Variants in MYO7B observed in about 807,000 individuals in gnomAD.
MYO7B encodes myosin VIIB.
MYO7B carries 212 observed loss-of-function variants against 259.7 expected under a neutral mutation model. The observed-to-expected ratio is 0.82, with a 90% confidence interval of 0.73 to 0.91. The LOEUF is 0.91. Ranked by LOEUF, MYO7B falls within the 40% of genes least tolerant of loss-of-function variation. MYO7B has a pLI of 0.00. For synonymous variants in MYO7B, 1,197 were observed against 1,166.4 expected, an observed-to-expected ratio of 1.03 and a Z score of -0.54; for missense variants, 2,732 against 2,813.5, an observed-to-expected ratio of 0.97 and a Z score of 0.66.
intron 29 of MYO7B, 21 bp from the exon 30 acceptor site, chr2:127,624,072 G>T: frequency 6.5e-7 from 1 of 1,541,928 alleles, no homozygotes. Flanking sequence ...GCTAACCCCT[G>T]CTCCCCGACT....
rs1326375986 is a variant in MYO7B at position 127,593,548 on chromosome 2, G to T, written c.2148G>T (p.Leu716=). The T allele has an allele frequency of 1.2e-6, 2 of 1,612,768 alleles. No individual in the cohort carries two copies. The highest frequency in any genetic ancestry group is 1.7e-5 in the Admixed American group (1 of 59,928). ...ATACCCCCGTTTGGTCTTGGCAGCT[G>T]CAAGGCAAGCTCCGCCAGATGACCC... ...VLLPNAMRMQ[L]QGKLRQMTLG... The change falls in exon 18 of 48, where the codon CTG becomes CTT. Residue 716 remains leucine (L), a splice_region_variant and synonymous_variant. Coordinates refer to ENST00000409816, the MANE Select transcript of MYO7B (RefSeq NM_001393586.1).
Position 127,576,740 on chromosome 2 carries a change from C to T in MYO7B, c.849+32C>T. The stretch of plus-strand genomic sequence containing the variant: ...TGCCCACCTGCCGCCTCCCAGTAGC[C>T]AGTGGAAGGGAGGAAAAAGAGCTTG... On this transcript the variant is annotated intron_variant, in intron 8 of 47. Transcript: ENST00000409816. This position sits in a 1 kb window ranked among gnomAD's most constrained non-coding sequence, Gnocchi z 4.9. The T allele has an allele frequency of 2.1e-6, 3 of 1,451,996 alleles. No homozygotes were observed. The highest frequency in any genetic ancestry group is 2.9e-6 in the Non-Finnish European group (3 of 1,040,448). The allele number at this position is 1,451,996 out of a possible 1,614,324, so 89.9% of individuals were successfully genotyped here.
In MYO7B at chr2:127,637,553, C is replaced by T. The variant is rs1681922088; in HGVS notation, c.*136C>T. On this transcript the variant is annotated 3_prime_UTR_variant, in exon 48 of 48. Coordinates refer to ENST00000409816, the MANE Select transcript of MYO7B (RefSeq NM_001393586.1). Reference sequence around the variant, plus strand: ...TGCCCCCCATACAAAGCCCACTCAGCCCCGCAGGCGGCCCCCTCTGTCCTG... The same window carrying T: ...TGCCCCCCATACAAAGCCCACTCAGTCCCGCAGGCGGCCCCCTCTGTCCTG... 1.5e-6 allele frequency: 1 copy of T among 662,040 alleles called. No individual in the cohort carries two copies. The allele number at this position is 662,040 out of a possible 1,614,324, so 41.0% of individuals were successfully genotyped here. A position where few individuals can be genotyped will look rare whatever the true frequency, so the allele number is the denominator to read the frequency against.
chr2:127,620,313 ACT>A, intron 26 of MYO7B, 25 bp from the exon 27 acceptor site: 1 of 1,586,350 alleles, frequency 6.3e-7, no homozygotes, highest in Non-Finnish European at 8.6e-7. Flanking sequence ...CCCCCAGCCT[ACT>A]CTCCTAATGG....
intron 35 of MYO7B, among the ~76,000 whole-genome samples, chr2:127,630,463 G>A (rs936345346): frequency 2.0e-4 from 31 of 152,212 alleles, no homozygotes; most frequent in African/African-American, 7.0e-4. Context: ...TGGGGTGAGA[G>A]GTGGCCCCAT....
rs540976526 is a variant in MYO7B at position 127,624,754 on chromosome 2, G to C, written c.4047+434G>C. ...CTCGGGAGGGGCTCTCACCTGGACCGTGCGGAGTGTACCGGGAGCTCTTTT... is the reference window on the plus strand; with the variant it reads ...CTCGGGAGGGGCTCTCACCTGGACCCTGCGGAGTGTACCGGGAGCTCTTTT... On this transcript the variant is annotated intron_variant, in intron 30 of 47. Transcript: ENST00000409816. Among the ~76,000 whole-genome samples the C allele has an allele frequency of 3.9e-5, 6 of 152,362 alleles. 1 individual carries two copies. The highest frequency in any genetic ancestry group is 1.4e-4 in the African/African-American group (6 of 41,582).
chr2:127,584,687 TC>T lies in MYO7B; in HGVS notation c.1555-90del. ...GGCCCTCAATCATTCTGAGCCCAGA[TC>T]TCTTTGCCTCCATGAGGAAGTCCCT... On this transcript the variant is annotated intron_variant, in intron 13 of 47. Transcript: ENST00000409816. This position sits in a 1 kb window ranked among gnomAD's most constrained non-coding sequence, Gnocchi z 5.8. 6.8e-7 allele frequency: 1 copy of T among 1,470,298 alleles called. No individual in the cohort carries two copies. Among genetic ancestry groups the T allele is most frequent in the Middle Eastern group, 1.8e-4 (1 of 5,580 alleles). The allele number at this position is 1,470,298 out of a possible 1,614,324, so 91.1% of individuals were successfully genotyped here. A position where few individuals can be genotyped will look rare whatever the true frequency, so the allele number is the denominator to read the frequency against.
At position 127,609,850 on chromosome 2, in the gene MYO7B, C is replaced by T. The variant is rs1430043929; in HGVS notation, c.3026C>T (p.Ala1009Val). The T allele has an allele frequency of 6.2e-7, 1 of 1,613,528 alleles. No homozygotes were observed. Among genetic ancestry groups the T allele is most frequent in the Admixed American group, 1.7e-5 (1 of 59,944 alleles). The part of the protein sequence containing the change: ...LYHEDDTDCL[A>V]ALVIWNVILR... ...GGGCCTTCTGTCTTGTTTCCCCAGG[C>T]CGCCCTGGTCATATGGAACGTCATC... Residue 1009 changes from alanine (A) to valine (V), a missense_variant and splice_region_variant, in exon 24 of 48, where the codon GCC becomes GTC. Ala to Val is a moderately conservative substitution (Grantham distance 64). Around this residue, in one of 3 missense-constraint regions of MYO7B, gnomAD observed 1,906 missense variants for 2,026.4 expected, o/e 0.94. Transcript: ENST00000409816. The surrounding 1 kb of genome is among the most constrained non-coding windows in gnomAD (Gnocchi z 6.9).
At chr2:127,635,386 G>A in intron 43 of MYO7B, 160 bp downstream of exon 43, 1 of 687,760 alleles carries the variant, frequency 1.5e-6, no homozygotes, top group Non-Finnish European at 2.5e-6. Flanking sequence ...CTGGAACCAG[G>A]AGCAGAGGGC....
In MYO7B at chr2:127,627,009, C is replaced by T; in HGVS notation, c.4250C>T (p.Ala1417Val). ...PYTQKQVTPL[A>V]VREQVVDAAR... ...ACTCAGAAGCAAGTCACACCACTGG[C>T]CGTGCGAGAGCAGGTGGTGGACGCC... is the stretch of plus-strand genomic sequence containing the variant. The change falls in exon 32 of 48, where the codon GCC becomes GTC. Residue 1417 changes from alanine (A) to valine (V), a missense_variant. Around this residue, in one of 3 missense-constraint regions of MYO7B, gnomAD observed 1,906 missense variants for 2,026.4 expected, o/e 0.94. Transcript: ENST00000409816. This position sits in a 1 kb window ranked among gnomAD's most constrained non-coding sequence, Gnocchi z 5.6. 6.2e-7 allele frequency: 1 copy of T among 1,611,356 alleles called. No individual in the cohort carries two copies.
At position 127,565,404 on chromosome 2, in the gene MYO7B, G is replaced by A. The variant is rs762613919; in HGVS notation, c.285+19G>A. ...GATCTATGTGAGTCTCCCCAGCCCT[G>A]TGTCCACAGGGGAGCCCCTCACAGG... On this transcript the variant is annotated intron_variant, in intron 4 of 47. Transcript: ENST00000409816. 1 of 1,612,806 alleles carries A rather than the reference G, an allele frequency of 6.2e-7. No homozygotes were observed. The highest frequency in any genetic ancestry group is 8.5e-7 in the Non-Finnish European group (1 of 1,178,994).
chr2:127,550,955 C>T (rs1693422420), intron 1 of MYO7B, among the ~76,000 whole-genome samples: 1 of 151,744 alleles, frequency 6.6e-6, no homozygotes, highest in African/African-American at 2.4e-5. Context: ...TTTATTATCT[C>T]ACACAAGTTT....
intron 1 of MYO7B, among the ~76,000 whole-genome samples, chr2:127,541,476 G>A (rs528437377): frequency 6.6e-6 from 1 of 152,358 alleles, no homozygotes; most frequent in South Asian, 2.1e-4. Context: ...TGGTAGCAGA[G>A]GGTGTCAGAC....
intron 39 of MYO7B, 37 bp from the exon 40 acceptor site, chr2:127,633,221 T>A: frequency 6.6e-7 from 1 of 1,508,630 alleles, no homozygotes. Flanking sequence ...AGGATGAGGG[T>A]GGGGGTGGCA....
intron 43 of MYO7B, 69 bp from the exon 44 acceptor site, chr2:127,635,653 C>A: frequency 6.8e-7 from 1 of 1,478,034 alleles, no homozygotes; most frequent in Non-Finnish European, 9.1e-7. Context: ...ACCATCTGAG[C>A]GGGAAAGAGG....
Position 127,584,917 on chromosome 2 carries a change from G to A in MYO7B, c.1690+4G>A, listed in dbSNP as rs1679243473. The A allele has an allele frequency of 1.2e-6, 2 of 1,613,842 alleles. No homozygotes were observed. Among genetic ancestry groups the A allele is most frequent in the South Asian group, 2.2e-5 (2 of 91,066 alleles). ...GAGGTGTACTACCAAGCAGAAGGTG[G>A]GTGCAGCTCTCCTCTCATGTCCCTT... is the stretch of plus-strand genomic sequence containing the variant. On this transcript the variant is annotated splice_donor_region_variant and intron_variant, in intron 14 of 47. Transcript: ENST00000409816. This position sits in a 1 kb window ranked among gnomAD's most constrained non-coding sequence, Gnocchi z 5.8.
rs1422582157 is a variant in MYO7B at position 127,559,426 on chromosome 2, A to T, written c.-23-274A>T. On this transcript the variant is annotated intron_variant, in intron 1 of 47. Coordinates refer to ENST00000409816, the MANE Select transcript of MYO7B (RefSeq NM_001393586.1). The surrounding 1 kb of genome is among the most constrained non-coding windows in gnomAD (Gnocchi z 4.1). ...GACCAGTTAAAATTGGGGCTTCTGGATGACAGGGAACCACCTACTCCCTGT... is the reference window on the plus strand; with the variant it reads ...GACCAGTTAAAATTGGGGCTTCTGGTTGACAGGGAACCACCTACTCCCTGT... Among the ~76,000 whole-genome samples the T allele has an allele frequency of 6.6e-6, 1 of 152,144 alleles. No homozygotes were observed. Among genetic ancestry groups the T allele is most frequent in the Non-Finnish European group, 1.5e-5 (1 of 68,024 alleles).
chr2:127,602,194 A>G (rs1384968978), intron 19 of MYO7B, among the ~76,000 whole-genome samples: 1 of 152,230 alleles, frequency 6.6e-6, no homozygotes, highest in Non-Finnish European at 1.5e-5. Flanking sequence ...TGCATTAGGT[A>G]TCACACTATA....
rs1680454618 is a variant in MYO7B at position 127,613,225 on chromosome 2, T to C, written c.3398+622T>C. 6.6e-6 allele frequency among the ~76,000 whole-genome samples: 1 copy of C among 152,250 alleles called. No homozygotes were observed. Among genetic ancestry groups the C allele is most frequent in the Non-Finnish European group, 1.5e-5 (1 of 68,044 alleles). On this transcript the variant is annotated intron_variant, in intron 26 of 47. Coordinates refer to ENST00000409816, the MANE Select transcript of MYO7B (RefSeq NM_001393586.1). The surrounding 1 kb of genome is among the most constrained non-coding windows in gnomAD (Gnocchi z 4.3). ...TAATTAAGCCTCTGTAAGATTCTTT[T>C]ATATTGTTCTTCAGGTACCTAGGGG...
Sources: allele counts gnomAD v4.1 joint callset (sites outside exome capture counted in the v4.1 genomes callset), GRCh38; gene constraint gnomAD v4.1.1; regional missense constraint gnomAD v4.1.1; non-coding constraint Gnocchi (gnomAD v3.1); transcripts MANE v1.5; gene names NCBI Gene and HGNC (gene_info 2026-07-23, HGNC 2026-07-21).